UHRF1: variants seen among roughly 807,000 people sequenced by gnomAD.
UHRF1 encodes the protein E3 ubiquitin-protein ligase UHRF1.
A neutral mutation model predicts 96.5 loss-of-function variants in UHRF1; 9 were observed. The ratio of observed to expected loss-of-function variants is 0.09; its 90% confidence interval spans 0.06 to 0.16. The LOEUF (loss-of-function observed/expected upper bound fraction) is 0.16. Among genes scored for constraint, UHRF1 ranks in the 10% least tolerant of loss-of-function variants. The pLI, the probability that UHRF1 is intolerant of heterozygous loss-of-function variation, is 1.00. For missense variants in UHRF1, 626 were observed against 1,131.1 expected (o/e 0.55, Z 6.40); for synonymous variants, 455 against 469.9 (o/e 0.97, Z 0.41).
chr19:4,909,453 C>A, upstream of UHRF1: 1 of 655,258 alleles, frequency 1.5e-6, no homozygotes, highest in Non-Finnish European at 2.8e-6. Context: ...GCACGGCCTC[C>A]TGCGGCCCCG....
At chr19:4,941,662 C>A in intron 6 of UHRF1, 34 bp downstream of exon 6, 2 of 1,596,636 alleles carry the variant, frequency 1.3e-6, no homozygotes, top group Non-Finnish European at 1.7e-6. Flanking sequence ...CCATCTTCCG[C>A]GGTGGGCACG....
chr19:4,958,504 C>T (rs1381116677), intron 16 of UHRF1, among the ~76,000 whole-genome samples: 1 of 152,344 alleles, frequency 6.6e-6, no homozygotes, highest in African/African-American at 2.4e-5. Flanking sequence ...TGGAAACCAT[C>T]TGTCCTGTGC....
At position 4,953,065 on chromosome 19, in the gene UHRF1, T is replaced by G. The variant is rs1012016707; in HGVS notation, c.1819-1285T>G. 8.5e-5 allele frequency among the ~76,000 whole-genome samples: 13 copies of G among 152,312 alleles called. No individual in the cohort carries two copies. The East Asian group carries it at 2.3e-3, about 27-fold the overall frequency. On this transcript the variant is annotated intron_variant, in intron 13 of 16. Transcript: ENST00000650932. ...ACGAGATCTTATTGGTGGGATGTGA[T>G]GCTGAACACGTCACCCGCGTTCGCT...
chr19:4,919,795 T>C (rs982572309), intron 2 of UHRF1, among the ~76,000 whole-genome samples: 3 of 151,856 alleles, frequency 2.0e-5, no homozygotes, highest in African/African-American at 7.3e-5. Flanking sequence ...GTAAATCTTC[T>C]TTCATTTAAA....
chr19:4,931,365 C>T (rs2033047399), intron 4 of UHRF1, among the ~76,000 whole-genome samples: 2 of 152,262 alleles, frequency 1.3e-5, no homozygotes, highest in Admixed American at 6.5e-5. Flanking sequence ...CAACCTCTGC[C>T]TCCTGGATTC....
Position 4,946,140 on chromosome 19 carries a change from C to A in UHRF1, c.1410+175C>A, listed in dbSNP as rs899877943. Among the ~76,000 whole-genome samples, 4 of 152,174 alleles carry A rather than the reference C, an allele frequency of 2.6e-5. No homozygotes were observed. In the South Asian group the frequency reaches 8.3e-4, roughly 32 times the overall value. On this transcript the variant is annotated intron_variant, in intron 10 of 16. Transcript: ENST00000650932. ...ACCACCACCATCTCCAGAACTTTCT[C>A]ATCTTCCCAAACTGAAACGTTGTCT...
chr19:4,916,305 C>CA (rs11409542), intron 2 of UHRF1, among the ~76,000 whole-genome samples: 30,694 of 124,152 alleles, frequency 0.25, 3,398 homozygotes, highest in African/African-American at 0.33. Context: ...GACTTTGTCT[C>CA]AAAAAAAAAA....
rs1178172536 is a variant in UHRF1, at chr19:4,961,850, G to A, written c.*1047G>A. On this transcript the variant is annotated 3_prime_UTR_variant, in exon 17 of 17. Coordinates refer to ENST00000650932, the MANE Select transcript of UHRF1 (RefSeq NM_001048201.3). ...TTTGTAGTTACTGTATATGTACCAA[G>A]AAAGATATAACGTTAGGGTTTGGTT... is the stretch of plus-strand genomic sequence containing the variant. 3 of 151,548 alleles carry A rather than the reference G, an allele frequency of 2.0e-5. No homozygotes were observed. The highest frequency in any genetic ancestry group is 4.4e-5 in the Non-Finnish European group (3 of 67,882). The allele number at this position is 151,548 out of a possible 1,614,324, so 9.4% of individuals were successfully genotyped here.
Position 4,930,781 on chromosome 19 carries a change from G to C in UHRF1, c.474G>C (p.Arg158Ser). Residue 158 changes from arginine (R) to serine (S), a missense_variant, in exon 4 of 17, where the codon AGG becomes AGC. Transcript: ENST00000650932. This position sits in a 1 kb window ranked among gnomAD's most constrained non-coding sequence, Gnocchi z 4.4. ...CGTGGTTTGAGGCGCAGGTGGTCAG[G>C]GTGACGCGGAAGGCCCCCTCCCGGG... ...MGAWFEAQVVRVTRKAPSRDE... is the reference protein window; with the variant it reads ...MGAWFEAQVVSVTRKAPSRDE... 2.5e-6 allele frequency: 4 copies of C among 1,614,012 alleles called. No homozygotes were observed. The highest frequency in any genetic ancestry group is 3.4e-6 in the Non-Finnish European group (4 of 1,179,896).
At chr19:4,924,172 CGG>C (rs1218451523) in intron 2 of UHRF1, among the ~76,000 whole-genome samples, 2 of 151,788 alleles carry the variant, frequency 1.3e-5, no homozygotes, top group African/African-American at 4.8e-5. Context: ...TTTTTTGAGA[CGG>C]AGTCTCGCTC....
chr19:4,906,991 C>T (rs886074824), upstream of UHRF1, among the ~76,000 whole-genome samples: 2 of 152,130 alleles, frequency 1.3e-5, no homozygotes, highest in African/African-American at 4.8e-5. Context: ...TGTGCAGTAG[C>T]GTTGATCGTG....
intron 2 of UHRF1, among the ~76,000 whole-genome samples, chr19:4,920,150 G>C (rs1568410486): frequency 1.3e-5 from 2 of 152,188 alleles, no homozygotes; most frequent in Admixed American, 1.3e-4. Flanking sequence ...AATAAAAAGA[G>C]GCTGGGCGCA....
rs747007342 is a variant in UHRF1, at chr19:4,930,787, G to A, written c.480G>A (p.Thr160=). 9.9e-6 allele frequency: 16 copies of A among 1,613,860 alleles called. No homozygotes were observed. Among genetic ancestry groups the A allele is most frequent in the South Asian group, 4.4e-5 (4 of 91,092 alleles). The part of the protein sequence containing the change: ...AWFEAQVVRV[T]RKAPSRDEPC... ...TTGAGGCGCAGGTGGTCAGGGTGACGCGGAAGGCCCCCTCCCGGGACGAGC... is the reference window on the plus strand; with the variant it reads ...TTGAGGCGCAGGTGGTCAGGGTGACACGGAAGGCCCCCTCCCGGGACGAGC... The change falls in exon 4 of 17, where the codon ACG becomes ACA. Residue 160 remains threonine, a synonymous_variant. Transcript: ENST00000650932. This position sits in a 1 kb window ranked among gnomAD's most constrained non-coding sequence, Gnocchi z 4.4.
upstream of UHRF1, among the ~76,000 whole-genome samples, chr19:4,907,276 AT>A (rs59086062): frequency 4.4e-3 from 652 of 148,180 alleles, 5 homozygotes; most frequent in African/African-American, 0.015. Flanking sequence ...TGCCCAGCTA[AT>A]TTTTTTTTTT....
chr19:4,916,199 G>A (rs1021133359), intron 2 of UHRF1, among the ~76,000 whole-genome samples: 1 of 152,056 alleles, frequency 6.6e-6, no homozygotes, highest in Admixed American at 6.6e-5. Flanking sequence ...CTAGCTACTC[G>A]GGAGGCCAAG....
intron 16 of UHRF1, among the ~76,000 whole-genome samples, chr19:4,957,655 C>T (rs576178367): frequency 6.6e-6 from 1 of 152,150 alleles, no homozygotes; most frequent in East Asian, 1.9e-4. Flanking sequence ...AGGACAGGGT[C>T]TCTTCCCCCC....
upstream of UHRF1, among the ~76,000 whole-genome samples, chr19:4,905,213 T>C (rs879831380): frequency 8.1e-5 from 12 of 148,194 alleles, no homozygotes; most frequent in Non-Finnish European, 1.3e-4. Context: ...GCCTCCCAGG[T>C]TCACGCCATT....
At chr19:4,920,336 GC>G (rs1308826155) in intron 2 of UHRF1, among the ~76,000 whole-genome samples, 1 of 152,082 alleles carries the variant, frequency 6.6e-6, no homozygotes, top group Admixed American at 6.6e-5. Context: ...GGAGGCTGAG[GC>G]AGGAGAATCG....
chr19:4,947,410 T>C (rs1046553513), intron 11 of UHRF1, among the ~76,000 whole-genome samples, 199 bp downstream of exon 11: 4 of 144,440 alleles, frequency 2.8e-5, no homozygotes, highest in Non-Finnish European at 6.0e-5. Flanking sequence ...GTCTGGTTCC[T>C]CCCGTATGTG....
Sources: allele counts gnomAD v4.1 joint callset (sites outside exome capture counted in the v4.1 genomes callset), GRCh38; gene constraint gnomAD v4.1.1; non-coding constraint Gnocchi (gnomAD v3.1); transcripts MANE v1.5; gene names NCBI Gene and HGNC (gene_info 2026-07-23, HGNC 2026-07-21).